DOK6: variants seen among roughly 807,000 people sequenced by gnomAD.
The protein encoded by DOK6 is downstream of tyrosine kinase 6.
DOK6 carries 22 observed loss-of-function variants against 44.0 expected under a neutral mutation model. The ratio of observed to expected loss-of-function variants is 0.50; its 90% CI spans 0.36 to 0.71. The LOEUF is 0.71. DOK6 is among the 30% of genes least tolerant of loss of function. DOK6 has a pLI of 0.00. For synonymous variants in DOK6, 166 were observed against 145.5 expected, an observed-to-expected ratio of 1.14 and a Z score of -1.01; for missense variants, 340 against 416.4, an observed-to-expected ratio of 0.82 and a Z score of 1.60.
At chr18:69,443,824 A>T (rs1161294179) in intron 1 of DOK6, among the ~76,000 whole-genome samples, 1 of 152,084 alleles carries the variant, frequency 6.6e-6, no homozygotes, top group Non-Finnish European at 1.5e-5. Context: ...GCTAGGATAG[A>T]TCCTCAGATA....
chr18:69,624,998 A>G (rs1319402056), intron 3 of DOK6, among the ~76,000 whole-genome samples: 1 of 152,162 alleles, frequency 6.6e-6, no homozygotes, highest in Admixed American at 6.5e-5. Context: ...CTATGAAAGT[A>G]TTTATGAAAA....
At chr18:69,570,482 C>G (rs956938593) in intron 2 of DOK6, among the ~76,000 whole-genome samples, 1 of 151,802 alleles carries the variant, frequency 6.6e-6, no homozygotes, top group Admixed American at 6.6e-5. Context: ...AGTTAGTATT[C>G]CCATTGCAAA....
intron 1 of DOK6, among the ~76,000 whole-genome samples, chr18:69,527,990 T>C (rs1816801): frequency 0.026 from 3,933 of 151,944 alleles, 116 homozygotes; most frequent in African/African-American, 0.069. Flanking sequence ...GGTGAAACCC[T>C]GTCTCTACTA....
chr18:69,721,038 A>C (rs1245511349), intron 5 of DOK6, among the ~76,000 whole-genome samples: 3 of 152,008 alleles, frequency 2.0e-5, no homozygotes, highest in Non-Finnish European at 4.4e-5. Context: ...GTTCACTAAC[A>C]TAAAGCTTAC....
intron 3 of DOK6, among the ~76,000 whole-genome samples, chr18:69,627,721 T>A (rs1239019844): frequency 6.6e-6 from 1 of 151,518 alleles, no homozygotes; most frequent in Admixed American, 6.6e-5. Context: ...AGTGCTGGGA[T>A]TTACAGGCGT....
chr18:69,534,924 C>T (rs751331093), intron 1 of DOK6, among the ~76,000 whole-genome samples: 20 of 152,042 alleles, frequency 1.3e-4, no homozygotes, highest in Non-Finnish European at 2.5e-4. Context: ...CTCACTTCTG[C>T]TTTCTGGCTG....
At chr18:69,756,576 T>C (rs1818945565) in intron 6 of DOK6, among the ~76,000 whole-genome samples, 1 of 152,244 alleles carries the variant, frequency 6.6e-6, no homozygotes, top group South Asian at 2.1e-4. Flanking sequence ...TTCCACTTTC[T>C]ATTAAAATGT....
chr18:69,667,002 C>A (rs1985677640), intron 3 of DOK6, among the ~76,000 whole-genome samples: 1 of 152,190 alleles, frequency 6.6e-6, no homozygotes, highest in Non-Finnish European at 1.5e-5. Flanking sequence ...ACCCCCCCTC[C>A]CCGCCATCCC....
intron 3 of DOK6, among the ~76,000 whole-genome samples, chr18:69,629,328 A>G (rs1217655371): frequency 2.0e-5 from 3 of 152,180 alleles, no homozygotes; most frequent in African/African-American, 7.2e-5. Flanking sequence ...GAAGTTTTGA[A>G]TAAGATATCA....
intron 1 of DOK6, among the ~76,000 whole-genome samples, chr18:69,456,445 C>A (rs1472876385): frequency 6.6e-6 from 1 of 152,134 alleles, no homozygotes; most frequent in African/African-American, 2.4e-5. Flanking sequence ...ATAATGGCCT[C>A]CAGTTGCATC....
At chr18:69,468,951 T>C (rs1980006964) in intron 1 of DOK6, among the ~76,000 whole-genome samples, 1 of 152,196 alleles carries the variant, frequency 6.6e-6, no homozygotes, top group Non-Finnish European at 1.5e-5. Context: ...CACCCGGATT[T>C]TCTGACTACT....
intron 2 of DOK6, among the ~76,000 whole-genome samples, chr18:69,580,570 A>T (rs1002510786): frequency 6.6e-6 from 1 of 152,192 alleles, no homozygotes; most frequent in African/African-American, 2.4e-5. Flanking sequence ...TAATAATTGT[A>T]CATATTTATG....
chr18:69,783,400 G>C (rs370106965), intron 7 of DOK6, among the ~76,000 whole-genome samples: 5 of 152,078 alleles, frequency 3.3e-5, no homozygotes, highest in East Asian at 1.9e-4. Flanking sequence ...ATAATATTTT[G>C]GATACATTGG....
At chr18:69,549,427 G>A (rs1458065758) in intron 1 of DOK6, among the ~76,000 whole-genome samples, 2 of 151,510 alleles carry the variant, frequency 1.3e-5, no homozygotes, top group African/African-American at 4.8e-5. Flanking sequence ...ATCAGAGTGA[G>A]AAAATGCATG....
chr18:69,412,620 G>A (rs1354877610), intron 1 of DOK6, among the ~76,000 whole-genome samples: 1 of 151,990 alleles, frequency 6.6e-6, no homozygotes. Context: ...GCCCTAGAGA[G>A]CTAGGATAAA....
chr18:69,502,877 T>G (rs1409593736), intron 1 of DOK6, among the ~76,000 whole-genome samples: 3 of 152,110 alleles, frequency 2.0e-5, no homozygotes, highest in African/African-American at 7.2e-5. Context: ...ATACTCTTAA[T>G]AGGATAAGGA....
At chr18:69,421,441 C>T (rs1232256015) in intron 1 of DOK6, among the ~76,000 whole-genome samples, 2 of 152,164 alleles carry the variant, frequency 1.3e-5, no homozygotes, top group Non-Finnish European at 2.9e-5. Context: ...TTCTTCATAC[C>T]TCATCTGTAA....
Position 69,521,799 on chromosome 18 carries a change from A to G in DOK6, c.67-42688A>G, listed in dbSNP as rs906024245. ...TAATGTATTGAATATTATGCTCACT[A>G]CAAAGAAATGATAAATGTTTCAGTT... is the stretch of plus-strand genomic sequence containing the variant. On this transcript the variant is annotated intron_variant, in intron 1 of 7. Coordinates refer to ENST00000382713, the MANE Select transcript of DOK6 (RefSeq NM_152721.6). 5.9e-5 allele frequency among the ~76,000 whole-genome samples: 9 copies of G among 152,038 alleles called. No individual in the cohort carries two copies. In the East Asian group the frequency reaches 1.7e-3, roughly 29 times the overall value.
Position 69,703,603 on chromosome 18 carries a change from G to A in DOK6, c.599+5010G>A, listed in dbSNP as rs150989975. On this transcript the variant is annotated intron_variant, in intron 5 of 7. Transcript: ENST00000382713. Reference sequence around the variant, plus strand: ...CAACAAAGATTTATTTCCCACTCAAGCTATGCCTGATGCAGGCTTGGACAG... The same window carrying A: ...CAACAAAGATTTATTTCCCACTCAAACTATGCCTGATGCAGGCTTGGACAG... Among the ~76,000 whole-genome samples, 335 of 152,314 alleles carry A rather than the reference G, an allele frequency of 2.2e-3. 2 individuals carry two copies. The highest frequency in any genetic ancestry group is 7.7e-3 in the African/African-American group (320 of 41,574).
Sources: gnomAD v4.1 joint callset for allele counts (sites outside exome capture counted in the v4.1 genomes callset) on GRCh38, gnomAD v4.1.1 for gene constraint, MANE v1.5 for transcripts, NCBI Gene and HGNC (gene_info 2026-07-23, HGNC 2026-07-21) for gene names.